The following DPP10 variants were observed in gnomAD, a reference collection of about 807,000 sequenced individuals.
DPP10 encodes dipeptidyl peptidase like 10.
Under a neutral mutation model 120.9 loss-of-function variants are expected in DPP10, and 33 were observed. The observed-to-expected ratio is 0.27, with a 90% CI of 0.21 to 0.37. The LOEUF (loss-of-function observed/expected upper bound fraction) is 0.37, where lower values mean the gene tolerates loss of function less well. DPP10 is among the 10% of genes least tolerant of loss of function. The probability of loss-of-function intolerance (pLI) is 1.00; values close to 1 mark genes in which losing one functional copy is unlikely to be tolerated. For synonymous variants in DPP10, 337 were observed against 326.1 expected (o/e 1.03, Z -0.36); for missense variants, 816 against 942.8 (o/e 0.87, Z 1.76).
At chr2:114,576,355 G>A (rs1008364955) in intron 1 of DPP10, among the ~76,000 whole-genome samples, 1 of 152,214 alleles carries the variant, frequency 6.6e-6, no homozygotes, top group Non-Finnish European at 1.5e-5. Context: ...GTCTTGAAGA[G>A]GGAAGAGGAG....
intron 24 of DPP10, among the ~76,000 whole-genome samples, chr2:115,838,775 T>A (rs1394857282): frequency 6.6e-6 from 1 of 152,098 alleles, no homozygotes; most frequent in Non-Finnish European, 1.5e-5. Context: ...CCTGTGAATG[T>A]GTGTGAGCAC....
At chr2:115,738,426 C>A (rs780820260) in intron 8 of DPP10, among the ~76,000 whole-genome samples, 4 of 152,070 alleles carry the variant, frequency 2.6e-5, no homozygotes, top group Non-Finnish European at 5.9e-5. Flanking sequence ...ATTGTTGTAG[C>A]AAGTAAGTGC....
intron 1 of DPP10, among the ~76,000 whole-genome samples, chr2:114,624,898 T>A (rs1694398444): frequency 6.6e-6 from 1 of 151,902 alleles, no homozygotes; most frequent in South Asian, 2.1e-4. Flanking sequence ...TCCACTTACC[T>A]CCTCTACTTT....
intron 10 of DPP10, among the ~76,000 whole-genome samples, chr2:115,752,633 G>A (rs1678890852): frequency 1.3e-5 from 2 of 152,142 alleles, no homozygotes; most frequent in Non-Finnish European, 2.9e-5. Context: ...TACCTTGGTA[G>A]CCAAAGTCCC....
chr2:115,493,902 G>A (rs1249178302), intron 3 of DPP10, among the ~76,000 whole-genome samples: 2 of 152,098 alleles, frequency 1.3e-5, no homozygotes, highest in East Asian at 3.9e-4. Context: ...ACTGTGAAAG[G>A]GAAAAAACTA....
intron 1 of DPP10, among the ~76,000 whole-genome samples, chr2:114,807,097 A>C (rs940824027): frequency 6.6e-6 from 1 of 152,196 alleles, no homozygotes; most frequent in Non-Finnish European, 1.5e-5. Context: ...ACATATGAGA[A>C]AGTGCATAAA....
At chr2:115,161,244 T>G (rs1399372309) in intron 1 of DPP10, 1 of 152,210 alleles carries the variant, frequency 6.6e-6, no homozygotes, top group Non-Finnish European at 1.5e-5. Flanking sequence ...CGCCCTCGGG[T>G]CCCGACAGGT....
intron 5 of DPP10, among the ~76,000 whole-genome samples, chr2:115,665,391 G>T (rs1441940999): frequency 6.6e-6 from 1 of 152,120 alleles, no homozygotes; most frequent in African/African-American, 2.4e-5. Context: ...TTAAATTAAT[G>T]ACATTCCGTT....
chr2:115,345,976 A>T (rs962194358), intron 3 of DPP10, among the ~76,000 whole-genome samples: 1 of 152,210 alleles, frequency 6.6e-6, no homozygotes, highest in Admixed American at 6.5e-5. Context: ...AGAATTTGAC[A>T]TAAAGACAAC....
At chr2:114,878,412 A>T (rs1322140524) in intron 1 of DPP10, among the ~76,000 whole-genome samples, 1 of 152,080 alleles carries the variant, frequency 6.6e-6, no homozygotes, top group East Asian at 1.9e-4. Context: ...TCAAACATTT[A>T]TCATTTCTTT....
chr2:115,485,768 T>C (rs892682574), intron 3 of DPP10, among the ~76,000 whole-genome samples: 15 of 152,168 alleles, frequency 9.9e-5, no homozygotes, highest in African/African-American at 3.6e-4. Context: ...TCAATACTAC[T>C]CTATGCAATT....
intron 1 of DPP10, among the ~76,000 whole-genome samples, chr2:114,500,233 A>T (rs1323753302): frequency 6.6e-6 from 1 of 152,176 alleles, no homozygotes; most frequent in African/African-American, 2.4e-5. Context: ...CCATTGACTA[A>T]ATTAAAGAAT....
intron 1 of DPP10, among the ~76,000 whole-genome samples, chr2:115,270,099 CACACACACACACACAG>C (rs1280160057): frequency 6.7e-6 from 1 of 149,072 alleles, no homozygotes; most frequent in Non-Finnish European, 1.5e-5. Context: ...CACACACACA[CACACACACACACACAG>C]ACACACACAC....
At chr2:115,229,921 G>A (rs926551586) in intron 1 of DPP10, among the ~76,000 whole-genome samples, 4 of 148,528 alleles carry the variant, frequency 2.7e-5, no homozygotes, top group African/African-American at 9.9e-5. Flanking sequence ...GTGATTCCAC[G>A]TAAATTTTAG....
At chr2:115,325,345 A>G (rs774491039) in intron 2 of DPP10, among the ~76,000 whole-genome samples, 1 of 152,206 alleles carries the variant, frequency 6.6e-6, no homozygotes, top group Non-Finnish European at 1.5e-5. Context: ...GTTCTTGATA[A>G]TGAAGTAATA....
intron 5 of DPP10, among the ~76,000 whole-genome samples, chr2:115,683,409 G>A (rs545930144): frequency 1.1e-4 from 17 of 152,026 alleles, no homozygotes; most frequent in South Asian, 6.2e-4. Flanking sequence ...GTGTGATACC[G>A]TAATCATGAA....
intron 1 of DPP10, among the ~76,000 whole-genome samples, chr2:114,941,888 A>C (rs1162483116): frequency 6.6e-6 from 1 of 152,112 alleles, no homozygotes; most frequent in African/African-American, 2.4e-5. Context: ...ATGTATTCAG[A>C]AAGGCTTTGG....
intron 5 of DPP10, among the ~76,000 whole-genome samples, chr2:115,650,416 G>C (rs543831975): frequency 1.4e-5 from 2 of 144,306 alleles, no homozygotes; most frequent in Non-Finnish European, 3.0e-5. Flanking sequence ...GGAAAGGGGG[G>C]GGGGGATAAT....
intron 4 of DPP10, among the ~76,000 whole-genome samples, chr2:115,513,330 C>T (rs1047250051): frequency 3.3e-5 from 5 of 151,780 alleles, no homozygotes; most frequent in Admixed American, 1.3e-4. Flanking sequence ...TTTATCCTGT[C>T]AACCTACACA....
Sources: allele counts gnomAD v4.1 joint callset (sites outside exome capture counted in the v4.1 genomes callset), GRCh38; gene constraint gnomAD v4.1.1; transcripts MANE v1.5; gene names NCBI Gene and HGNC (gene_info 2026-07-23, HGNC 2026-07-21).